HS6ST3: variants seen among roughly 807,000 people sequenced by gnomAD.
HS6ST3 encodes the protein heparan sulfate 6-O-sulfotransferase 3.
A neutral mutation model predicts 36.7 loss-of-function variants in HS6ST3; 12 were observed. The ratio of observed to expected loss-of-function variants is 0.33; its 90% CI spans 0.21 to 0.53. HS6ST3 has a LOEUF of 0.53. HS6ST3 is among the 20% of genes least tolerant of loss of function. HS6ST3 has a pLI of 0.95. For missense variants in HS6ST3, 584 were observed against 640.9 expected, an observed-to-expected ratio of 0.91 and a Z score of 0.96; for synonymous variants, 240 against 257.5, an observed-to-expected ratio of 0.93 and a Z score of 0.65.
At chr13:96,792,915 G>T (rs546735767) in intron 1 of HS6ST3, among the ~76,000 whole-genome samples, 1 of 151,984 alleles carries the variant, frequency 6.6e-6, no homozygotes, top group South Asian at 2.1e-4. Flanking sequence ...GGAAACATTC[G>T]CAGTCATCAA....
chr13:96,723,951 A>G (rs1216747465), intron 1 of HS6ST3, among the ~76,000 whole-genome samples: 1 of 151,296 alleles, frequency 6.6e-6, no homozygotes, highest in African/African-American at 2.4e-5. Context: ...CTCTCTTCCA[A>G]CTTCTTCATC....
chr13:96,630,366 T>C (rs2056527786), intron 1 of HS6ST3, among the ~76,000 whole-genome samples: 2 of 152,180 alleles, frequency 1.3e-5, no homozygotes, highest in African/African-American at 4.8e-5. Flanking sequence ...TGGAGACACA[T>C]TTAATTATTC....
At chr13:96,613,763 G>T (rs1454226497) in intron 1 of HS6ST3, among the ~76,000 whole-genome samples, 4 of 152,084 alleles carry the variant, frequency 2.6e-5, no homozygotes, top group Non-Finnish European at 5.9e-5. Context: ...ATACTTGACT[G>T]CTTTCTTATG....
intron 1 of HS6ST3, among the ~76,000 whole-genome samples, chr13:96,143,423 G>A (rs546117072): frequency 2.8e-4 from 42 of 147,838 alleles, no homozygotes; most frequent in Non-Finnish European, 4.9e-4. Flanking sequence ...ATTTTCTTAA[G>A]CAAATATATA....
At chr13:96,552,181 C>T (rs771893899) in intron 1 of HS6ST3, among the ~76,000 whole-genome samples, 1 of 152,172 alleles carries the variant, frequency 6.6e-6, no homozygotes, top group Non-Finnish European at 1.5e-5. Context: ...TGCAATTACA[C>T]CTATTACAGA....
chr13:96,449,237 C>T (rs192616538), intron 1 of HS6ST3, among the ~76,000 whole-genome samples: 149 of 152,314 alleles, frequency 9.8e-4, no homozygotes, highest in Middle Eastern at 3.4e-3. Context: ...GCTGAGATTA[C>T]AGGCTTGAGC....
chr13:96,822,988 A>C (rs1316656595), intron 1 of HS6ST3, among the ~76,000 whole-genome samples: 5 of 152,204 alleles, frequency 3.3e-5, no homozygotes, highest in Non-Finnish European at 7.3e-5. Context: ...TCATGTCACA[A>C]GCTCTAACCA....
intron 1 of HS6ST3, among the ~76,000 whole-genome samples, chr13:96,702,025 G>A (rs962408639): frequency 6.6e-6 from 1 of 152,150 alleles, no homozygotes; most frequent in African/African-American, 2.4e-5. Flanking sequence ...TACAACAGAT[G>A]TAAGGACAGA....
chr13:96,727,218 G>GT (rs1044522454), intron 1 of HS6ST3, among the ~76,000 whole-genome samples: 14 of 152,178 alleles, frequency 9.2e-5, no homozygotes, highest in Admixed American at 9.2e-4. Context: ...GGAGACCCTG[G>GT]TTTTTTCATC....
chr13:96,168,056 T>C (rs1210100238), intron 1 of HS6ST3, among the ~76,000 whole-genome samples: 2 of 152,190 alleles, frequency 1.3e-5, no homozygotes, highest in African/African-American at 4.8e-5. Context: ...GCAGTAATAT[T>C]GTGTTTCTTA....
chr13:96,404,136 T>G (rs1299591977), intron 1 of HS6ST3, among the ~76,000 whole-genome samples: 2 of 152,196 alleles, frequency 1.3e-5, no homozygotes, highest in Non-Finnish European at 2.9e-5. Flanking sequence ...GTCCATACGT[T>G]TTAACACTCA....
chr13:96,468,655 G>C (rs1236902857), intron 1 of HS6ST3, among the ~76,000 whole-genome samples: 1 of 152,132 alleles, frequency 6.6e-6, no homozygotes, highest in Non-Finnish European at 1.5e-5. Context: ...TGCCCACTAA[G>C]AGCAGGATGT....
intron 1 of HS6ST3, among the ~76,000 whole-genome samples, chr13:96,218,186 CAG>C (rs1363803712): frequency 6.6e-6 from 1 of 152,126 alleles, no homozygotes; most frequent in Non-Finnish European, 1.5e-5. Flanking sequence ...TCTGTGTCCC[CAG>C]AGAGAAGTGG....
At chr13:96,427,109 G>A (rs1191368906) in intron 1 of HS6ST3, 1 of 154,310 alleles carries the variant, frequency 6.5e-6, no homozygotes, top group African/African-American at 2.4e-5. Context: ...TAGTTAGAAC[G>A]GATATACTTA....
At chr13:96,650,630 C>G (rs1213271625) in intron 1 of HS6ST3, among the ~76,000 whole-genome samples, 1 of 151,866 alleles carries the variant, frequency 6.6e-6, no homozygotes, top group Non-Finnish European at 1.5e-5. Flanking sequence ...GATTTAAGTC[C>G]AAGAGGTGTA....
At chr13:96,213,131 C>T (rs2054406913) in intron 1 of HS6ST3, among the ~76,000 whole-genome samples, 1 of 152,118 alleles carries the variant, frequency 6.6e-6, no homozygotes, top group Non-Finnish European at 1.5e-5. Context: ...TTTACAAATC[C>T]AAATATTGAC....
At chr13:96,183,415 C>T (rs999562968) in intron 1 of HS6ST3, among the ~76,000 whole-genome samples, 1 of 152,096 alleles carries the variant, frequency 6.6e-6, no homozygotes, top group African/African-American at 2.4e-5. Flanking sequence ...TTGCTGTGGG[C>T]ACCTGGAGAT....
intron 1 of HS6ST3, among the ~76,000 whole-genome samples, chr13:96,097,209 G>T (rs1270619813): frequency 6.6e-6 from 1 of 152,132 alleles, no homozygotes; most frequent in African/African-American, 2.4e-5. Flanking sequence ...TGATTTTAGA[G>T]AAATTGAAAT....
chr13:96,273,916 C>T (rs1237766305), intron 1 of HS6ST3, among the ~76,000 whole-genome samples: 1 of 139,624 alleles, frequency 7.2e-6, no homozygotes, highest in African/African-American at 2.7e-5. Flanking sequence ...TCCCTCCCTT[C>T]CTTCCTTCTT....
Sources: allele counts gnomAD v4.1 joint callset (sites outside exome capture counted in the v4.1 genomes callset), GRCh38; gene constraint gnomAD v4.1.1; transcripts MANE v1.5; gene names NCBI Gene and HGNC (gene_info 2026-07-23, HGNC 2026-07-21).